The following PRKG1 variants were observed in gnomAD, a reference collection of about 807,000 sequenced individuals.
PRKG1 encodes the protein protein kinase cGMP-dependent 1.
PRKG1 carries 35 observed loss-of-function variants against 88.1 expected under a neutral mutation model. The ratio of observed to expected loss-of-function variants is 0.40; its 90% CI spans 0.30 to 0.53. PRKG1 has a LOEUF of 0.53. Ranked by LOEUF, PRKG1 falls within the 20% of genes least tolerant of loss-of-function variation. The pLI, the probability that PRKG1 is intolerant of heterozygous loss-of-function variation, is 0.59. For synonymous variants in PRKG1, 303 were observed against 292.5 expected (o/e 1.04, Z -0.37); for missense variants, 540 against 839.8 (o/e 0.64, Z 4.41).
At chr10:51,895,467 G>A (rs939798236) in intron 4 of PRKG1, among the ~76,000 whole-genome samples, 3 of 152,048 alleles carry the variant, frequency 2.0e-5, no homozygotes, top group East Asian at 3.9e-4. Flanking sequence ...TTTTCTTCCT[G>A]CCCTGTCATT....
intron 1 of PRKG1, among the ~76,000 whole-genome samples, chr10:51,148,562 G>A (rs749273745): frequency 5.3e-5 from 8 of 152,068 alleles, no homozygotes; most frequent in Admixed American, 2.0e-4. Flanking sequence ...CTGACTGAGG[G>A]CGAAACTGAT....
At chr10:51,151,998 T>G (rs1257228244) in intron 1 of PRKG1, among the ~76,000 whole-genome samples, 1 of 152,062 alleles carries the variant, frequency 6.6e-6, no homozygotes, top group African/African-American at 2.4e-5. Flanking sequence ...ACTTTTAATA[T>G]GACATTCCAA....
intron 1 of PRKG1, among the ~76,000 whole-genome samples, chr10:51,105,864 C>T (rs1564602263): frequency 6.8e-6 from 1 of 148,074 alleles, no homozygotes; most frequent in Non-Finnish European, 1.5e-5. Context: ...AGGTTTAGTG[C>T]CCCATGGCCC....
At chr10:51,641,089 C>A (rs955935844) in intron 3 of PRKG1, among the ~76,000 whole-genome samples, 3 of 151,944 alleles carry the variant, frequency 2.0e-5, no homozygotes, top group African/African-American at 7.2e-5. Context: ...GAAAAAAGCC[C>A]TTTATAATAC....
At chr10:52,125,100 A>G (rs1225170810) in intron 7 of PRKG1, among the ~76,000 whole-genome samples, 1 of 152,196 alleles carries the variant, frequency 6.6e-6, no homozygotes, top group Admixed American at 6.6e-5. Flanking sequence ...AAATACTTAA[A>G]CTAGTAACAC....
intron 5 of PRKG1, among the ~76,000 whole-genome samples, chr10:51,987,684 A>T (rs1053418385): frequency 6.6e-6 from 1 of 152,066 alleles, no homozygotes; most frequent in Non-Finnish European, 1.5e-5. Flanking sequence ...ATTTTAGTTC[A>T]ATATTTGTAA....
chr10:51,054,001 T>C (rs2132772782), intron 1 of PRKG1, among the ~76,000 whole-genome samples: 1 of 152,310 alleles, frequency 6.6e-6, no homozygotes, highest in South Asian at 2.1e-4. Context: ...ATATAAACAC[T>C]TTTTATTAGA....
intron 2 of PRKG1, among the ~76,000 whole-genome samples, chr10:51,360,817 G>A (rs951916826): frequency 4.0e-5 from 6 of 151,824 alleles, no homozygotes; most frequent in African/African-American, 7.3e-5. Flanking sequence ...TTTAGAGCAG[G>A]CAACACATTT....
At chr10:52,211,419 C>A (rs1839968193) in intron 9 of PRKG1, among the ~76,000 whole-genome samples, 1 of 152,118 alleles carries the variant, frequency 6.6e-6, no homozygotes, top group South Asian at 2.1e-4. Flanking sequence ...ATCCAATGAA[C>A]AAGGACAGCC....
At chr10:51,745,763 C>G (rs1837560710) in intron 3 of PRKG1, among the ~76,000 whole-genome samples, 1 of 152,152 alleles carries the variant, frequency 6.6e-6, no homozygotes, top group South Asian at 2.1e-4. Context: ...AATCCCAGCA[C>G]TCTGGGAGGC....
intron 2 of PRKG1, among the ~76,000 whole-genome samples, chr10:51,411,187 G>A (rs1838076808): frequency 6.6e-6 from 1 of 152,146 alleles, no homozygotes; most frequent in African/African-American, 2.4e-5. Flanking sequence ...TTTTAGTAGA[G>A]ATGAGGTTTC....
At chr10:51,928,876 A>G (rs7906991) in intron 5 of PRKG1, among the ~76,000 whole-genome samples, 25,718 of 152,170 alleles carry the variant, frequency 0.17, 2,829 homozygotes, top group Non-Finnish European at 0.24. Flanking sequence ...TCTAAAACGT[A>G]TACTTCACTA....
chr10:52,225,697 C>T (rs767876168), intron 9 of PRKG1, among the ~76,000 whole-genome samples: 14 of 152,056 alleles, frequency 9.2e-5, no homozygotes, highest in Admixed American at 2.6e-4. Flanking sequence ...TTTCATTCTC[C>T]TACATGTGGC....
chr10:51,154,780 C>A (rs193276686), intron 2 of PRKG1, among the ~76,000 whole-genome samples: 1 of 151,726 alleles, frequency 6.6e-6, no homozygotes, highest in African/African-American at 2.4e-5. Context: ...CTTCTGGTGA[C>A]AAAACACAAT....
chr10:51,238,573 A>T (rs1426600604), intron 2 of PRKG1, among the ~76,000 whole-genome samples: 1 of 147,570 alleles, frequency 6.8e-6, no homozygotes, highest in Non-Finnish European at 1.5e-5. Context: ...CAAGAGTGAG[A>T]CTCTACCTTA....
At chr10:51,693,738 A>G (rs2132396940) in intron 3 of PRKG1, among the ~76,000 whole-genome samples, 1 of 152,236 alleles carries the variant, frequency 6.6e-6, no homozygotes, top group East Asian at 1.9e-4. Flanking sequence ...ATGCCCTCAA[A>G]TGACATGTTA....
intron 3 of PRKG1, among the ~76,000 whole-genome samples, chr10:51,793,916 C>T (rs1019598741): frequency 1.3e-5 from 2 of 152,056 alleles, no homozygotes; most frequent in African/African-American, 4.8e-5. Flanking sequence ...CATAAGCCAA[C>T]ACATCCAGCT....
At chr10:51,258,895 GA>G (rs1445419946) in intron 2 of PRKG1, among the ~76,000 whole-genome samples, 1 of 152,200 alleles carries the variant, frequency 6.6e-6, no homozygotes, top group Non-Finnish European at 1.5e-5. Flanking sequence ...AAGAAAGAGT[GA>G]GTCCCTTTAG....
intron 3 of PRKG1, among the ~76,000 whole-genome samples, chr10:51,539,732 C>CA (rs796463916): frequency 1.1e-4 from 16 of 152,210 alleles, no homozygotes; most frequent in African/African-American, 3.8e-4. Flanking sequence ...GAGATAGGGT[C>CA]AAAATGTCAC....
Sources: gnomAD v4.1 joint callset for allele counts (sites outside exome capture counted in the v4.1 genomes callset) on GRCh38, gnomAD v4.1.1 for gene constraint, MANE v1.5 for transcripts, NCBI Gene and HGNC (gene_info 2026-07-23, HGNC 2026-07-21) for gene names.